RXRA: variants seen among roughly 807,000 people sequenced by gnomAD.
RXRA encodes the protein retinoic acid receptor RXR-alpha.
Under a neutral mutation model 44.5 loss-of-function variants are expected in RXRA, and 5 were observed. That is an observed-to-expected ratio of 0.11 (90% confidence interval 0.06 to 0.24). RXRA has a LOEUF of 0.24. RXRA is among the 10% of genes least tolerant of loss of function. The pLI is 1.00. For synonymous variants in RXRA, 291 were observed against 271.4 expected (o/e 1.07, Z -0.71); for missense variants, 412 against 646.5 (o/e 0.64, Z 3.93).
At chr9:134,332,247 C>T (rs566194398) in intron 1 of RXRA, among the ~76,000 whole-genome samples, 1 of 152,330 alleles carries the variant, frequency 6.6e-6, no homozygotes, top group African/African-American at 2.4e-5. Flanking sequence ...GCACTGTCTG[C>T]AGCAAATTCC....
At chr9:134,419,162 A>G (rs978922363) in intron 5 of RXRA, among the ~76,000 whole-genome samples, 2 of 152,160 alleles carry the variant, frequency 1.3e-5, no homozygotes, top group African/African-American at 4.8e-5. Flanking sequence ...GTCTGCACGC[A>G]TGCCCTGCCC....
At chr9:134,347,333 C>T (rs781990006) in intron 1 of RXRA, among the ~76,000 whole-genome samples, 6 of 152,352 alleles carry the variant, frequency 3.9e-5, no homozygotes, top group Admixed American at 2.0e-4. Context: ...CGCGCCCTGC[C>T]GCGGTGTTGA....
rs1197808746 is a variant in RXRA, at chr9:134,343,304, G to T, written c.28+16645G>T. On this transcript the variant is annotated intron_variant, in intron 1 of 9. Coordinates refer to ENST00000481739, the MANE Select transcript of RXRA (RefSeq NM_002957.6). The surrounding 1 kb of genome is among the most constrained non-coding windows in gnomAD (Gnocchi z 4.1). ...AAGTAAGGCCTGTCCTTCAGTTCTT[G>T]CCTGGGAGCAGGGAAGGCCCTGGCT... Among the ~76,000 whole-genome samples, 2 of 152,176 alleles carry T rather than the reference G, an allele frequency of 1.3e-5. No homozygotes were observed. The highest frequency in any genetic ancestry group is 6.5e-5 in the Admixed American group (1 of 15,282).
rs1360158423 is a variant in RXRA, at chr9:134,407,915, G to T, written c.280-234G>T. The stretch of plus-strand genomic sequence containing the variant: ...AGGTCCTTTTCCACAGAGGCCTGGG[G>T]TCTGCTGCGGGCGAGTCCTGAGGTT... On this transcript the variant is annotated intron_variant, in intron 2 of 9. Transcript: ENST00000481739. The surrounding 1 kb of genome is among the most constrained non-coding windows in gnomAD (Gnocchi z 4.8). 2.0e-5 allele frequency among the ~76,000 whole-genome samples: 3 copies of T among 152,050 alleles called. No homozygotes were observed. The highest frequency in any genetic ancestry group is 7.2e-5 in the African/African-American group (3 of 41,414).
At chr9:134,415,669 C>T (rs1416733942) in intron 4 of RXRA, among the ~76,000 whole-genome samples, 1 of 152,114 alleles carries the variant, frequency 6.6e-6, no homozygotes, top group Non-Finnish European at 1.5e-5. Context: ...GGCCTCAGAC[C>T]AGGAGGAGAA....
At chr9:134,402,180 G>T (rs1830974530) in intron 2 of RXRA, 2 of 471,434 alleles carry the variant, frequency 4.2e-6, no homozygotes, top group Non-Finnish European at 7.5e-6. Context: ...CCCATGACTG[G>T]GGGACTCAGC....
intron 1 of RXRA, among the ~76,000 whole-genome samples, chr9:134,331,003 A>C (rs993677608): frequency 2.0e-5 from 3 of 152,150 alleles, no homozygotes; most frequent in African/African-American, 4.8e-5. Context: ...GGACCAGAAC[A>C]GGCCATGATG....
rs1160873883 is a variant in RXRA at position 134,391,862 on chromosome 9, C to T, written c.29-9770C>T. Among the ~76,000 whole-genome samples, 6 of 152,368 alleles carry T rather than the reference C, an allele frequency of 3.9e-5. No homozygotes were observed. The East Asian group carries it at 7.7e-4, about 20-fold the overall frequency. On this transcript the variant is annotated intron_variant, in intron 1 of 9. Coordinates refer to ENST00000481739, the MANE Select transcript of RXRA (RefSeq NM_002957.6). The stretch of plus-strand genomic sequence containing the variant: ...TTGTTCCGGGCTTGGAAACATCTCG[C>T]CTCCTTGAGCCCTGGTTCCTCCCCT...
At chr9:134,429,268 G>A in intron 7 of RXRA, 28 bp downstream of exon 7, 2 of 1,602,998 alleles carry the variant, frequency 1.2e-6, no homozygotes, top group Non-Finnish European at 1.7e-6. Flanking sequence ...AGGGGCGAGG[G>A]CGCTTCGGTC....
intron 1 of RXRA, among the ~76,000 whole-genome samples, chr9:134,388,012 GCTTATAGGGCA>G (rs1251672621): frequency 6.6e-6 from 1 of 152,118 alleles, no homozygotes; most frequent in East Asian, 1.9e-4. Context: ...GGCAGGAAGC[GCTTATAGGGCA>G]CTTATCGCTG....
In RXRA at chr9:134,417,407, C is replaced by G; in HGVS notation, c.780+80C>G. On this transcript the variant is annotated intron_variant, in intron 5 of 9. Coordinates refer to ENST00000481739, the MANE Select transcript of RXRA (RefSeq NM_002957.6). This position sits in a 1 kb window ranked among gnomAD's most constrained non-coding sequence, Gnocchi z 6.1. ...CTCACTCACCCTCCCACCTGAGCAG[C>G]TGATGAGCCAGAGAGGTCCTGGGGG... The G allele has an allele frequency of 6.6e-7, 1 of 1,513,792 alleles. No homozygotes were observed. Among genetic ancestry groups the G allele is most frequent in the South Asian group, 1.2e-5 (1 of 81,736 alleles). 93.8% of individuals were successfully genotyped at this position (1,513,792 alleles called of 1,614,324 possible). A position where few individuals can be genotyped will look rare whatever the true frequency, so the allele number is the denominator to read the frequency against.
intron 2 of RXRA, chr9:134,403,820 C>G (rs1453301324): frequency 6.6e-6 from 1 of 152,328 alleles, no homozygotes; most frequent in Non-Finnish European, 1.5e-5. Context: ...TGCAGGTCCC[C>G]TTGACATTGG....
intron 1 of RXRA, among the ~76,000 whole-genome samples, chr9:134,331,388 C>T (rs375210506): frequency 5.3e-5 from 8 of 152,214 alleles, no homozygotes; most frequent in African/African-American, 7.2e-5. Context: ...GTGGGGAGAG[C>T]GGGTGCGGAC....
In RXRA at chr9:134,417,403, G is replaced by GC. The variant is rs1831253759; in HGVS notation, c.780+77dup. 1 of 1,528,074 alleles carries GC rather than the reference G, an allele frequency of 6.5e-7. No homozygotes were observed. Among genetic ancestry groups the GC allele is most frequent in the Non-Finnish European group, 8.9e-7 (1 of 1,124,234 alleles). The allele number at this position is 1,528,074 out of a possible 1,614,324, so 94.7% of individuals were successfully genotyped here. ...CTCACTCACTCACCCTCCCACCTGA[G>GC]CAGCTGATGAGCCAGAGAGGTCCTG... is the stretch of plus-strand genomic sequence containing the variant. On this transcript the variant is annotated intron_variant, in intron 5 of 9. Transcript: ENST00000481739. The surrounding 1 kb of genome is among the most constrained non-coding windows in gnomAD (Gnocchi z 6.1).
At chr9:134,430,451 C>T (rs1422610025) in intron 7 of RXRA, among the ~76,000 whole-genome samples, 1 of 152,224 alleles carries the variant, frequency 6.6e-6, no homozygotes, top group Admixed American at 6.5e-5. Flanking sequence ...GCCCCAGCAG[C>T]AATGCCCCAG....
In RXRA at chr9:134,367,926, C is replaced by T. The variant is rs529316258; in HGVS notation, c.29-33706C>T. Among the ~76,000 whole-genome samples, 378 of 152,380 alleles carry T rather than the reference C, an allele frequency of 2.5e-3. 1 individual carries two copies. The highest frequency in any genetic ancestry group is 3.9e-3 in the Non-Finnish European group (267 of 68,036). On this transcript the variant is annotated intron_variant, in intron 1 of 9. Coordinates refer to ENST00000481739, the MANE Select transcript of RXRA (RefSeq NM_002957.6). ...CTAATTAAGCTAATAGTTCCCAGAG[C>T]TGCCTGACAGCAGCTGATGGTATCG...
chr9:134,375,850 A>G (rs1053097511), intron 1 of RXRA, among the ~76,000 whole-genome samples: 5 of 151,400 alleles, frequency 3.3e-5, no homozygotes, highest in Admixed American at 3.3e-4. Flanking sequence ...GATTCTGTAA[A>G]ACACTCCCCC....
At chr9:134,435,492 A>T (rs1490021864) in intron 9 of RXRA, among the ~76,000 whole-genome samples, 3 of 151,044 alleles carry the variant, frequency 2.0e-5, no homozygotes, top group Non-Finnish European at 2.9e-5. Context: ...GCCTTCTCTG[A>T]CCATGCTGTG....
intron 1 of RXRA, among the ~76,000 whole-genome samples, chr9:134,398,900 G>T (rs767855521): frequency 3.3e-5 from 5 of 152,258 alleles, no homozygotes; most frequent in Admixed American, 2.6e-4. Flanking sequence ...CCTCCTCCCA[G>T]GTGCTCCCAG....
Sources: allele counts gnomAD v4.1 joint callset (sites outside exome capture counted in the v4.1 genomes callset), GRCh38; gene constraint gnomAD v4.1.1; non-coding constraint Gnocchi (gnomAD v3.1); transcripts MANE v1.5; gene names NCBI Gene and HGNC (gene_info 2026-07-23, HGNC 2026-07-21).